Variants in NUP155 observed in about 807,000 individuals in gnomAD.
NUP155 encodes nucleoporin 155.
A neutral mutation model predicts 180.4 loss-of-function variants in NUP155; 71 were observed. The ratio of observed to expected loss-of-function variants is 0.39; its 90% confidence interval spans 0.33 to 0.48. The LOEUF is 0.48. NUP155 is among the 20% of genes least tolerant of loss of function. NUP155 has a pLI of 0.91. For synonymous variants in NUP155, 582 were observed against 559.5 expected (o/e 1.04, Z -0.57); for missense variants, 1,553 against 1,648.9 (o/e 0.94, Z 1.01).
Position 37,370,873 on chromosome 5 carries a change from T to C in NUP155, c.105A>G (p.Gln35=), listed in dbSNP as rs749586098. ...NAGRLIDRQL[Q]EDRMYPDLSE... The stretch of plus-strand genomic sequence containing the variant: ...AAAGGTCCGGGTACATGCGGTCCTC[T>C]TGCAACTGACGGTCGATGAGCCGTC... Residue 35 remains glutamine, a synonymous_variant, in exon 1 of 35, where the codon CAA becomes CAG. Transcript: ENST00000231498. 2.0e-5 allele frequency: 32 copies of C among 1,614,192 alleles called. No homozygotes were observed. Among genetic ancestry groups the C allele is most frequent in the East Asian group, 1.1e-4 (5 of 44,888 alleles).
Position 37,308,875 on chromosome 5 carries a change from C to CA in NUP155, c.2767+253dup, listed in dbSNP as rs59572976. Among the ~76,000 whole-genome samples the CA allele has an allele frequency of 8.3e-3, 570 of 68,804 alleles. 26 individuals are homozygous for CA. Among genetic ancestry groups the CA allele is most frequent in the Non-Finnish European group, 0.011 (407 of 35,784 alleles). 45.1% of individuals were successfully genotyped at this position (68,804 alleles called of 152,430 possible). The stretch of plus-strand genomic sequence containing the variant: ...AGCCTGGCTGACAGAGCGAGACTCT[C>CA]AAAAAAAAAAAAAAAAAAAAAAAAA... On this transcript the variant is annotated intron_variant, in intron 24 of 34. Transcript: ENST00000231498.
At position 37,328,391 on chromosome 5, in the gene NUP155, G is replaced by A. The variant is rs1311508204; in HGVS notation, c.1843C>T (p.Pro615Ser). 2 of 1,609,422 alleles carry A rather than the reference G, an allele frequency of 1.2e-6. No individual in the cohort carries two copies. Among genetic ancestry groups the A allele is most frequent in the African/African-American group, 1.3e-5 (1 of 74,824 alleles). ...GGTGTTCCCAAAAAGGATGGATTTGGATAGGGACTACCACTAGGAACAGGA... is the reference window on the plus strand; with the variant it reads ...GGTGTTCCCAAAAAGGATGGATTTGAATAGGGACTACCACTAGGAACAGGA... Reference protein sequence around the residue: ...SSPVPSGSPYPNPSFLGTPSH... With the variant: ...SSPVPSGSPYSNPSFLGTPSH... The change falls in exon 17 of 35, where the codon CCA becomes TCA. Residue 615 changes from proline (P) to serine (S), a missense_variant. By Grantham distance (74) the Pro-to-Ser change is moderately conservative (BLOSUM62 -1). Transcript: ENST00000231498.
In NUP155 at chr5:37,309,181, T is replaced by C. The variant is rs1357533077; in HGVS notation, c.2715A>G (p.Gln905=). ...AAAGGTCCACTTGATTGCTAATTTTTTGATATTCCTTTAATGATTCCCTTA... is the reference window on the plus strand; with the variant it reads ...AAAGGTCCACTTGATTGCTAATTTTCTGATATTCCTTTAATGATTCCCTTA... ...RMLRESLKEY[Q]KISNQVDLSN... Residue 905 remains glutamine (Q), a synonymous_variant, in exon 24 of 35, where the codon CAA becomes CAG. Transcript: ENST00000231498. 2.5e-6 allele frequency: 4 copies of C among 1,613,570 alleles called. No homozygotes were observed. Among genetic ancestry groups the C allele is most frequent in the East Asian group, 2.2e-5 (1 of 44,876 alleles).
intron 12 of NUP155, 63 bp from the exon 13 acceptor site, chr5:37,333,696 C>T (rs1745129037): frequency 1.7e-6 from 2 of 1,186,552 alleles, no homozygotes; most frequent in Middle Eastern, 2.7e-4. Context: ...AAAGAAAAAA[C>T]TACAGACTTA....
Position 37,364,340 on chromosome 5 carries a change from G to T in NUP155, c.202C>A (p.Gln68Lys). 1 of 1,611,198 alleles carries T rather than the reference G, an allele frequency of 6.2e-7. No homozygotes were observed. Among genetic ancestry groups the T allele is most frequent in the East Asian group, 2.2e-5 (1 of 44,860 alleles). ...SGMSDMDYPLQGPGLLSVPNL... is the reference protein window; with the variant it reads ...SGMSDMDYPLKGPGLLSVPNL... Reference sequence around the variant, plus strand: ...GGTACGGACAGCAAACCAGGTCCTTGCAAAGGATAATCCATATCTGACATG... The same window carrying T: ...GGTACGGACAGCAAACCAGGTCCTTTCAAAGGATAATCCATATCTGACATG... Residue 68 changes from glutamine to lysine, a missense_variant, in exon 2 of 35, where the codon CAA (glutamine) becomes AAA (lysine). Physicochemically the swap from Gln to Lys is moderately conservative, Grantham distance 53. Transcript: ENST00000231498.
chr5:37,297,617 C>T (rs563711338), intron 32 of NUP155, among the ~76,000 whole-genome samples: 2 of 151,994 alleles, frequency 1.3e-5, no homozygotes, highest in Admixed American at 6.6e-5. Context: ...TGGGCTCAAG[C>T]GATCCATCCG....
Position 37,309,170 on chromosome 5 carries a change from T to G in NUP155, c.2726A>C (p.Asn909Thr), listed in dbSNP as rs770341205. 6.2e-7 allele frequency: 1 copy of G among 1,613,720 alleles called. No individual in the cohort carries two copies. The highest frequency in any genetic ancestry group is 8.5e-7 in the Non-Finnish European group (1 of 1,179,794). ...ESLKEYQKIS[N>T]QVDLSNVCAQ... ...ACAAACATTGGAAAGGTCCACTTGA[T>G]TGCTAATTTTTTGATATTCCTTTAA... The change falls in exon 24 of 35, where the codon AAT (asparagine) becomes ACT (threonine). Residue 909 changes from asparagine to threonine, a missense_variant. Coordinates refer to ENST00000231498, the MANE Select transcript of NUP155 (RefSeq NM_153485.3).
intron 27 of NUP155, 55 bp downstream of exon 27, chr5:37,304,684 A>G: frequency 1.6e-6 from 2 of 1,226,808 alleles, no homozygotes; most frequent in Admixed American, 3.5e-5. Context: ...TGCTTAAATC[A>G]TTGAGTTATG....
chr5:37,337,343 TGA>T (rs1745396211), intron 12 of NUP155, among the ~76,000 whole-genome samples: 1 of 152,128 alleles, frequency 6.6e-6, no homozygotes, highest in Non-Finnish European at 1.5e-5. Context: ...GAGGTTCAAT[TGA>T]CTCTTCAAAC....
intron 6 of NUP155, among the ~76,000 whole-genome samples, chr5:37,350,886 CA>C (rs1746413464): frequency 6.8e-6 from 1 of 146,982 alleles, no homozygotes; most frequent in South Asian, 2.2e-4. Flanking sequence ...CACATATTTG[CA>C]AAAGTGCATT....
chr5:37,330,083 G>A lies in NUP155; in HGVS notation c.1679C>T (p.Ala560Val). 1 of 1,613,732 alleles carries A rather than the reference G, an allele frequency of 6.2e-7. No homozygotes were observed. The highest frequency in any genetic ancestry group is 1.1e-5 in the South Asian group (1 of 91,014). ...TCLILACSTA[A>V]CDREVSAWAT... Reference sequence around the variant, plus strand: ...CCAGGCAGATACTTCTCTATCACAGGCAGCAGTGGAGCAAGCAAGAATAAG... The same window carrying A: ...CCAGGCAGATACTTCTCTATCACAGACAGCAGTGGAGCAAGCAAGAATAAG... Residue 560 changes from alanine (A) to valine (V), a missense_variant, in exon 15 of 35, where the codon GCC (alanine) becomes GTC (valine). Transcript: ENST00000231498.
intron 20 of NUP155, among the ~76,000 whole-genome samples, chr5:37,320,492 AAGAG>A (rs945991343): frequency 3.9e-5 from 6 of 152,064 alleles, no homozygotes; most frequent in African/African-American, 4.8e-5. Context: ...TAAAAAGAAA[AAGAG>A]AGAGAGAGAG....
In NUP155 at chr5:37,363,547, A is replaced by G. The variant is rs181991618; in HGVS notation, c.392+341T>C. Reference sequence around the variant, plus strand: ...CTCCATAGAAATGCAAGGAAAACAGAAGTCTTTAAAAATGTCCAATCATCT... The same window carrying G: ...CTCCATAGAAATGCAAGGAAAACAGGAGTCTTTAAAAATGTCCAATCATCT... On this transcript the variant is annotated intron_variant, in intron 3 of 34. Transcript: ENST00000231498. Among the ~76,000 whole-genome samples, 388 of 152,334 alleles carry G rather than the reference A, an allele frequency of 2.5e-3. 1 individual carries two copies. The highest frequency in any genetic ancestry group is 8.9e-3 in the African/African-American group (369 of 41,582).
intron 25 of NUP155, among the ~76,000 whole-genome samples, chr5:37,306,448 A>G (rs1288047798): frequency 6.6e-6 from 1 of 151,998 alleles, no homozygotes; most frequent in Non-Finnish European, 1.5e-5. Flanking sequence ...CTCCATATAT[A>G]TATGTTATAG....
At chr5:37,341,349 A>G (rs1745707883) in intron 10 of NUP155, 107 bp from the exon 11 acceptor site, 2 of 965,846 alleles carry the variant, frequency 2.1e-6, no homozygotes, top group Middle Eastern at 2.2e-4. Flanking sequence ...CTAAAACCAT[A>G]CATAACTTTC....
In NUP155 at chr5:37,289,144, TCAAA is replaced by T. The variant is rs748367076; in HGVS notation, c.*2752_*2755del. 43 of 158,556 alleles carry T rather than the reference TCAAA, an allele frequency of 2.7e-4. No individual in the cohort carries two copies. Among genetic ancestry groups the T allele is most frequent in the Non-Finnish European group, 4.1e-4 (30 of 73,382 alleles). 9.8% of individuals were successfully genotyped at this position (158,556 alleles called of 1,614,324 possible). On this transcript the variant is annotated 3_prime_UTR_variant, in exon 35 of 35. Transcript: ENST00000231498. ...TGGGCAACAAGAGCAAAACTCAGTC[TCAAA>T]CAAACAAACAGACAATAGCAGGGTG...
intron 32 of NUP155, among the ~76,000 whole-genome samples, chr5:37,297,377 GT>G: frequency 6.6e-6 from 1 of 150,694 alleles, no homozygotes. Flanking sequence ...GTACAATACA[GT>G]GTTATTTATT....
At chr5:37,341,889 T>G (rs1745749195) in intron 10 of NUP155, among the ~76,000 whole-genome samples, 1 of 152,138 alleles carries the variant, frequency 6.6e-6, no homozygotes, top group Non-Finnish European at 1.5e-5. Context: ...AAAATATATA[T>G]CTAAGAAAAT....
At chr5:37,297,660 G>A (rs1477485485) in intron 32 of NUP155, among the ~76,000 whole-genome samples, 1 of 152,012 alleles carries the variant, frequency 6.6e-6, no homozygotes, top group Non-Finnish European at 1.5e-5. Context: ...GATTACACCT[G>A]TGAGCCACCA....
Sources: gnomAD v4.1 joint callset for allele counts (sites outside exome capture counted in the v4.1 genomes callset) on GRCh38, gnomAD v4.1.1 for gene constraint, MANE v1.5 for transcripts, NCBI Gene and HGNC (gene_info 2026-07-23, HGNC 2026-07-21) for gene names.